ENTPD5: variants seen among roughly 807,000 people sequenced by gnomAD.
ENTPD5 encodes nucleoside diphosphate phosphatase ENTPD5.
A neutral mutation model predicts 60.2 loss-of-function variants in ENTPD5; 49 were observed. That is an observed-to-expected ratio of 0.81 (90% CI 0.65 to 1.03). The LOEUF (loss-of-function observed/expected upper bound fraction) is 1.03, where lower values mean the gene tolerates loss of function less well. Ranked by LOEUF, ENTPD5 falls within the 50% of genes least tolerant of loss-of-function variation. The probability of loss-of-function intolerance (pLI) is 0.00; values close to 1 mark genes in which losing one functional copy is unlikely to be tolerated. For synonymous variants in ENTPD5, 187 were observed against 185.4 expected (o/e 1.01, Z -0.07); for missense variants, 480 against 507.6 (o/e 0.95, Z 0.52).
At chr14:73,972,782 T>G (rs1477053596) in intron 13 of ENTPD5, 102 bp downstream of exon 13, 2 of 1,345,378 alleles carry the variant, frequency 1.5e-6, no homozygotes, top group Non-Finnish European at 2.0e-6. Context: ...AAGAGGTGGG[T>G]AATCACCCCG....
intron 5 of ENTPD5, among the ~76,000 whole-genome samples, chr14:73,984,076 G>A (rs956405781): frequency 6.6e-6 from 1 of 151,886 alleles, no homozygotes; most frequent in African/African-American, 2.4e-5. Flanking sequence ...TACCCAGGCT[G>A]GAGTGCAACG....
At chr14:73,978,266 G>A (rs1031805787) in intron 6 of ENTPD5, among the ~76,000 whole-genome samples, 1 of 148,250 alleles carries the variant, frequency 6.7e-6, no homozygotes, top group Non-Finnish European at 1.5e-5. Flanking sequence ...CCAGAACGGT[G>A]CTTTAAAAAT....
At chr14:73,961,419 G>T (rs771271827), downstream of ENTPD5, 197 of 1,614,102 alleles carry the variant, frequency 1.2e-4, 3 homozygotes, top group South Asian at 2.2e-3. Context: ...TCACTTTGCT[G>T]CCAGAGGTCA....
At chr14:74,014,049 AG>A (rs1392240020) in intron 2 of ENTPD5, among the ~76,000 whole-genome samples, 12 of 152,162 alleles carry the variant, frequency 7.9e-5, no homozygotes, top group Non-Finnish European at 8.8e-5. Flanking sequence ...TGCCCAGTCC[AG>A]GTAAGTTTTC....
downstream of ENTPD5, among the ~76,000 whole-genome samples, chr14:73,957,131 T>C (rs2140389027): frequency 6.6e-6 from 1 of 151,634 alleles, no homozygotes; most frequent in Non-Finnish European, 1.5e-5. Flanking sequence ...GGAGTCTCGC[T>C]CTGTCGCCCA....
chr14:73,962,002 C>T, downstream of ENTPD5: 3 of 1,389,126 alleles, frequency 2.2e-6, no homozygotes, highest in South Asian at 3.5e-5. Flanking sequence ...GGATGGAGTG[C>T]AGTGGCACAA....
intron 4 of ENTPD5, 107 bp downstream of exon 4, chr14:73,987,777 GGT>G (rs2057962547): frequency 2.2e-6 from 2 of 897,764 alleles, no homozygotes; most frequent in Admixed American, 5.0e-5. Flanking sequence ...ACATCCACTA[GGT>G]GTGAGATTCT....
rs373181650 is a variant in ENTPD5, at chr14:73,977,280, A to T, written c.517+19T>A. 4.8e-5 allele frequency: 77 copies of T among 1,597,408 alleles called. No individual in the cohort carries two copies. The highest frequency in any genetic ancestry group is 5.3e-5 in the Non-Finnish European group (62 of 1,167,108). On this transcript the variant is annotated intron_variant, in intron 7 of 15. Coordinates refer to ENST00000334696, the MANE Select transcript of ENTPD5 (RefSeq NM_001249.5). ...TCCTGCCCCTCTCCCCCTGGAACGC[A>T]TATCAACACCTCTCCCACCTTCGTC...
downstream of ENTPD5, chr14:73,956,553 C>T (rs568741817): frequency 4.6e-5 from 7 of 153,592 alleles, no homozygotes; most frequent in African/African-American, 1.4e-4. Context: ...TGTAGCCATC[C>T]TGTTGAGAGT....
chr14:73,975,800 T>G (rs2057417210), intron 10 of ENTPD5, 136 bp downstream of exon 10: 1 of 651,482 alleles, frequency 1.5e-6, no homozygotes, highest in Non-Finnish European at 2.5e-6. Context: ...GGACCGGGTT[T>G]CAGTTGATAG....
chr14:73,980,675 C>T (rs2057649377), intron 6 of ENTPD5, among the ~76,000 whole-genome samples: 1 of 152,210 alleles, frequency 6.6e-6, no homozygotes, highest in South Asian at 2.1e-4. Context: ...AGATTACAGG[C>T]ATGAGCCACT....
At position 73,977,349 on chromosome 14, in the gene ENTPD5, G is replaced by A. The variant is rs746447244; in HGVS notation, c.467C>T (p.Pro156Leu). ...FEVKEIFRKS[P>L]FLVPKGSVSI... ...AACACTGCCCTTTGGTACCAGGAAA[G>A]GTGACTTCCTGAAGATCTCCTTTAC... The change falls in exon 7 of 16, where the codon CCT (proline) becomes CTT (leucine). Residue 156 changes from proline (P) to leucine (L), a missense_variant. Coordinates refer to ENST00000334696, the MANE Select transcript of ENTPD5 (RefSeq NM_001249.5). 3.1e-6 allele frequency: 5 copies of A among 1,606,792 alleles called. No individual in the cohort carries two copies. Among genetic ancestry groups the A allele is most frequent in the African/African-American group, 1.4e-5 (1 of 73,832 alleles).
In ENTPD5 at chr14:74,007,288, A is replaced by G. The variant is rs572388101; in HGVS notation, c.-71+3803T>C. Among the ~76,000 whole-genome samples the G allele has an allele frequency of 5.3e-5, 8 of 152,192 alleles. No individual in the cohort carries two copies. In the East Asian group the frequency reaches 5.8e-4, roughly 11 times the overall value. Reference sequence around the variant, plus strand: ...TGTAATCCCAGCACTTTGGGAGGTCAAGGAGGGCGGATCACGAGGTCAGGA... The same window carrying G: ...TGTAATCCCAGCACTTTGGGAGGTCGAGGAGGGCGGATCACGAGGTCAGGA... On this transcript the variant is annotated intron_variant, in intron 3 of 15. Transcript: ENST00000334696.
chr14:74,000,862 T>C (rs777081225), intron 3 of ENTPD5, among the ~76,000 whole-genome samples: 10 of 152,022 alleles, frequency 6.6e-5, no homozygotes, highest in Admixed American at 1.3e-4. Context: ...AGAGACCAGA[T>C]GTGTATAAAG....
At chr14:73,983,767 T>C (rs2057790811) in intron 5 of ENTPD5, among the ~76,000 whole-genome samples, 1 of 151,222 alleles carries the variant, frequency 6.6e-6, no homozygotes, top group African/African-American at 2.4e-5. Flanking sequence ...CTTGGCTCAC[T>C]GCAACCTCCA....
At chr14:74,001,646 G>C (rs535332521) in intron 3 of ENTPD5, among the ~76,000 whole-genome samples, 1 of 113,076 alleles carries the variant, frequency 8.8e-6, no homozygotes, top group Admixed American at 1.3e-4. Context: ...CCAGCCTGGC[G>C]AGAGAGCAAG....
chr14:74,007,334 A>T (rs943160322), intron 3 of ENTPD5, among the ~76,000 whole-genome samples: 2 of 152,116 alleles, frequency 1.3e-5, no homozygotes, highest in East Asian at 1.9e-4. Context: ...ATCCTGGCTA[A>T]CACGGTGAAA....
intron 2 of ENTPD5, among the ~76,000 whole-genome samples, chr14:74,012,015 A>C (rs2058859949): frequency 6.6e-6 from 1 of 152,350 alleles, no homozygotes; most frequent in Middle Eastern, 3.4e-3. Context: ...AAGATTACAC[A>C]TTCAAGACAG....
intron 2 of ENTPD5, among the ~76,000 whole-genome samples, chr14:74,012,853 A>G (rs1403369846): frequency 1.3e-5 from 2 of 152,238 alleles, no homozygotes; most frequent in Non-Finnish European, 1.5e-5. Context: ...CCTACCATTC[A>G]GGCCAAACGA....
Sources: allele counts gnomAD v4.1 joint callset (sites outside exome capture counted in the v4.1 genomes callset), GRCh38; gene constraint gnomAD v4.1.1; transcripts MANE v1.5; gene names NCBI Gene and HGNC (gene_info 2026-07-23, HGNC 2026-07-21).